Variants in PAPOLA observed in about 807,000 individuals in gnomAD.
The protein encoded by PAPOLA is poly(A) polymerase alpha.
Under a neutral mutation model 100.6 loss-of-function variants are expected in PAPOLA, and 15 were observed. The ratio of observed to expected loss-of-function variants is 0.15; its 90% CI spans 0.10 to 0.23. PAPOLA has a LOEUF of 0.23. Ranked by LOEUF, PAPOLA falls within the 10% of genes least tolerant of loss-of-function variation. The pLI, the probability that PAPOLA is intolerant of heterozygous loss-of-function variation, is 1.00. For missense variants in PAPOLA, 533 were observed against 884.2 expected (o/e 0.60, Z 5.04); for synonymous variants, 293 against 300.0 (o/e 0.98, Z 0.24).
rs59220418 is a variant in PAPOLA at position 96,507,480 on chromosome 14, G to A, written c.8+4880G>A. 7.8e-3 allele frequency among the ~76,000 whole-genome samples: 1,187 copies of A among 151,658 alleles called. 23 individuals carry two copies. Among genetic ancestry groups the A allele is most frequent in the African/African-American group, 0.027 (1,128 of 41,310 alleles). On this transcript the variant is annotated intron_variant, in intron 1 of 21. Transcript: ENST00000216277. ...TTTTTTGTATTTTTAGTAGAGACGG[G>A]GTTTCACCGTGGTCTCGATCTCCTG...
In PAPOLA at chr14:96,557,824, A is replaced by G. The variant is rs13329046; in HGVS notation, c.2004+1411A>G. ...TTTGTCACTCTTAAGATGGTAAATG[A>G]GAATGAAAAACGGGTATTGTATAGT... On this transcript the variant is annotated intron_variant, in intron 19 of 21. Coordinates refer to ENST00000216277, the MANE Select transcript of PAPOLA (RefSeq NM_032632.5). Among the ~76,000 whole-genome samples the G allele has an allele frequency of 8.9e-3, 1,353 of 152,008 alleles. 27 individuals are homozygous for G. Among genetic ancestry groups the G allele is most frequent in the African/African-American group, 0.031 (1,276 of 41,474 alleles).
intron 1 of PAPOLA, among the ~76,000 whole-genome samples, chr14:96,507,220 A>G (rs1896775658): frequency 6.6e-6 from 1 of 152,146 alleles, no homozygotes; most frequent in Non-Finnish European, 1.5e-5. Context: ...CCAGAATTAA[A>G]GAGATTTACA....
intron 16 of PAPOLA, among the ~76,000 whole-genome samples, chr14:96,550,008 A>G (rs1022841308): frequency 6.6e-6 from 1 of 152,176 alleles, no homozygotes; most frequent in Non-Finnish European, 1.5e-5. Flanking sequence ...TTTTTTGAGA[A>G]TGGTGGCCTG....
chr14:96,522,691 C>T (rs903035393), intron 3 of PAPOLA, among the ~76,000 whole-genome samples: 1 of 152,252 alleles, frequency 6.6e-6, no homozygotes, highest in African/African-American at 2.4e-5. Flanking sequence ...AGGGGTGAGC[C>T]ACTGCCCCAG....
intron 16 of PAPOLA, among the ~76,000 whole-genome samples, chr14:96,549,880 T>C (rs924558767): frequency 6.6e-6 from 1 of 152,180 alleles, no homozygotes; most frequent in African/African-American, 2.4e-5. Flanking sequence ...GACCCGGGAA[T>C]GGTGGCTCAT....
intron 4 of PAPOLA, chr14:96,526,816 C>G (rs1221433572): frequency 4.6e-5 from 7 of 152,498 alleles, no homozygotes; most frequent in African/African-American, 1.7e-4. Flanking sequence ...CATACCTCAG[C>G]ATCTTGTCTT....
chr14:96,537,388 T>C (rs999236120), intron 12 of PAPOLA: 2 of 202,412 alleles, frequency 9.9e-6, no homozygotes, highest in African/African-American at 4.6e-5. Flanking sequence ...AGTTAATAAT[T>C]CTCTGCTAAG....
chr14:96,505,715 A>G (rs1270512463), intron 1 of PAPOLA, among the ~76,000 whole-genome samples: 1 of 152,114 alleles, frequency 6.6e-6, no homozygotes, highest in African/African-American at 2.4e-5. Context: ...GACCACTGAG[A>G]TCTTTCAGAG....
intron 15 of PAPOLA, 105 bp downstream of exon 15, chr14:96,544,363 G>T: frequency 1.6e-6 from 1 of 624,592 alleles, no homozygotes; most frequent in Non-Finnish European, 2.8e-6. Context: ...AATTACTTGC[G>T]AATATTGAAC....
chr14:96,545,040 A>G lies in PAPOLA; in HGVS notation c.1399+782A>G, dbSNP rs145940530. Reference sequence around the variant, plus strand: ...AAATACTACGCATAGGGACAACCGCATTTCTTCTTTAAGGACTAATCCTTT... The same window carrying G: ...AAATACTACGCATAGGGACAACCGCGTTTCTTCTTTAAGGACTAATCCTTT... On this transcript the variant is annotated intron_variant, in intron 15 of 21. Transcript: ENST00000216277. Among the ~76,000 whole-genome samples, 4 of 152,146 alleles carry G rather than the reference A, an allele frequency of 2.6e-5. No homozygotes were observed. The East Asian group carries it at 7.7e-4, about 29-fold the overall frequency.
intron 16 of PAPOLA, among the ~76,000 whole-genome samples, chr14:96,548,484 T>C (rs1011949513): frequency 6.6e-5 from 10 of 152,190 alleles, no homozygotes; most frequent in African/African-American, 2.4e-4. Context: ...ATTTGGACTT[T>C]AGTGAGCATA....
chr14:96,545,565 C>T (rs1310115430), intron 15 of PAPOLA, among the ~76,000 whole-genome samples: 2 of 151,748 alleles, frequency 1.3e-5, no homozygotes, highest in African/African-American at 4.8e-5. Context: ...TGTTTTTTCT[C>T]GTTTTTTATT....
chr14:96,545,830 A>AT lies in PAPOLA; in HGVS notation c.1399+1578dup, dbSNP rs561014951. 4.4e-4 allele frequency among the ~76,000 whole-genome samples: 67 copies of AT among 152,168 alleles called. 1 individual carries two copies. In the South Asian group the frequency reaches 7.3e-3, roughly 17 times the overall value. On this transcript the variant is annotated intron_variant, in intron 15 of 21. Coordinates refer to ENST00000216277, the MANE Select transcript of PAPOLA (RefSeq NM_032632.5). ...TCCACCTGCTGAACACCACAGAAGT[A>AT]TTTTTTCCTGAAGTAAAAATTCTGA...
chr14:96,537,353 A>G (rs1387852832), intron 12 of PAPOLA: 2 of 259,844 alleles, frequency 7.7e-6, no homozygotes, highest in Non-Finnish European at 1.5e-5. Context: ...TACAGTGGCA[A>G]GTGGATGCAC....
intron 19 of PAPOLA, 104 bp from the exon 20 acceptor site, chr14:96,560,545 G>T: frequency 1.4e-6 from 1 of 736,140 alleles, no homozygotes; most frequent in South Asian, 1.6e-5. Flanking sequence ...TGATCTTACA[G>T]GTTTAATTAT....
chr14:96,516,797 A>G (rs1897505027), intron 1 of PAPOLA, among the ~76,000 whole-genome samples: 1 of 152,244 alleles, frequency 6.6e-6, no homozygotes, highest in Admixed American at 6.5e-5. Context: ...AGTGTAATCA[A>G]TATTTTTTCA....
chr14:96,521,036 G>T lies in PAPOLA; in HGVS notation c.213G>T (p.Leu71=). The change falls in exon 3 of 22, where the codon CTG becomes CTT. Residue 71 remains leucine, a synonymous_variant. Coordinates refer to ENST00000216277, the MANE Select transcript of PAPOLA (RefSeq NM_032632.5). ...TAATTTTGGGAAAACTAAATAACCT[G>T]GTAAAAGAGTGGATACGAGAAATCA... ...RILILGKLNN[L]VKEWIREISE... 2 of 1,559,038 alleles carry T rather than the reference G, an allele frequency of 1.3e-6. No homozygotes were observed. Among genetic ancestry groups the T allele is most frequent in the Non-Finnish European group, 1.8e-6 (2 of 1,131,442 alleles).
At chr14:96,523,156 A>C (rs887446016) in intron 3 of PAPOLA, among the ~76,000 whole-genome samples, 2 of 151,950 alleles carry the variant, frequency 1.3e-5, no homozygotes, top group Admixed American at 6.6e-5. Context: ...GGTTTGTTTG[A>C]CATCTAATAC....
chr14:96,524,399 A>T (rs1025503003), intron 3 of PAPOLA, among the ~76,000 whole-genome samples: 1 of 152,208 alleles, frequency 6.6e-6, no homozygotes. Context: ...AAATTACTTC[A>T]CTAAAGCCTT....
Sources: allele counts gnomAD v4.1 joint callset (sites outside exome capture counted in the v4.1 genomes callset), GRCh38; gene constraint gnomAD v4.1.1; transcripts MANE v1.5; gene names NCBI Gene and HGNC (gene_info 2026-07-23, HGNC 2026-07-21).